Variants in SPMIP2 observed in about 807,000 individuals in gnomAD.
The protein encoded by SPMIP2 is protein SPMIP2.
chr4:158,901,913 C>T, the SPMIP2 span, among the ~76,000 whole-genome samples: 1 of 151,958 alleles, frequency 6.6e-6, no homozygotes, highest in African/African-American at 2.4e-5. Context: ...TTCTTAGCTT[C>T]CTTGCATTGG....
At chr4:159,042,954 G>A in the SPMIP2 span, among the ~76,000 whole-genome samples, 26,731 of 151,906 alleles carry the variant, frequency 0.18, 2,751 homozygotes, top group African/African-American at 0.28. Context: ...GTCATCTACC[G>A]CGCCTAGCCT....
At chr4:159,053,930 A>G in the SPMIP2 span, among the ~76,000 whole-genome samples, 20 of 151,936 alleles carry the variant, frequency 1.3e-4, no homozygotes, top group Admixed American at 9.8e-4. Context: ...AAAAAAAAAA[A>G]AGAGAGAAAG....
chr4:158,939,399 T>TA, the SPMIP2 span, among the ~76,000 whole-genome samples: 1 of 152,194 alleles, frequency 6.6e-6, no homozygotes. Flanking sequence ...CTATCCTACT[T>TA]ACTAATCTCC....
At chr4:158,955,312 T>G in the SPMIP2 span, among the ~76,000 whole-genome samples, 2 of 152,346 alleles carry the variant, frequency 1.3e-5, no homozygotes, top group South Asian at 4.1e-4. Context: ...TTTTAGATTC[T>G]GAGCGCTTAG....
At chr4:159,001,817 G>C in the SPMIP2 span, among the ~76,000 whole-genome samples, 1 of 152,280 alleles carries the variant, frequency 6.6e-6, no homozygotes, top group East Asian at 1.9e-4. Context: ...TTGTGTGCAC[G>C]TGTCTTTATG....
the SPMIP2 span, among the ~76,000 whole-genome samples, chr4:158,945,041 G>T: frequency 6.6e-6 from 1 of 152,008 alleles, no homozygotes; most frequent in Non-Finnish European, 1.5e-5. Flanking sequence ...ACTTGCCCCT[G>T]ACTATGTCAC....
At chr4:159,075,107 G>A in the SPMIP2 span, among the ~76,000 whole-genome samples, 13 of 152,168 alleles carry the variant, frequency 8.5e-5, no homozygotes, top group African/African-American at 3.1e-4. Flanking sequence ...CTGCCTAGAA[G>A]CAAGCAAACA....
At chr4:158,957,164 C>T in the SPMIP2 span, among the ~76,000 whole-genome samples, 1 of 152,122 alleles carries the variant, frequency 6.6e-6, no homozygotes, top group South Asian at 2.1e-4. Flanking sequence ...TTCCAACATT[C>T]CAGAATGATC....
chr4:158,920,540 C>T, the SPMIP2 span, among the ~76,000 whole-genome samples: 6 of 152,218 alleles, frequency 3.9e-5, no homozygotes, highest in East Asian at 1.9e-4. Context: ...CTGTCTTATG[C>T]GGTTGAGATA....
chr4:159,021,841 AG>A, the SPMIP2 span, among the ~76,000 whole-genome samples: 1 of 152,192 alleles, frequency 6.6e-6, no homozygotes, highest in African/African-American at 2.4e-5. Flanking sequence ...CATATCTCCA[AG>A]GGTGTGCATA....
chr4:159,076,994 C>T, the SPMIP2 span, among the ~76,000 whole-genome samples: 3 of 152,216 alleles, frequency 2.0e-5, no homozygotes, highest in Admixed American at 6.5e-5. Flanking sequence ...TGCCACCATG[C>T]CTGGGTAATT....
At chr4:158,917,249 CA>C in the SPMIP2 span, among the ~76,000 whole-genome samples, 2 of 149,502 alleles carry the variant, frequency 1.3e-5, no homozygotes, top group African/African-American at 2.5e-5. Context: ...GACTCCATCT[CA>C]AAAAAATAAT....
the SPMIP2 span, among the ~76,000 whole-genome samples, chr4:159,078,987 G>A: frequency 6.6e-6 from 1 of 152,188 alleles, no homozygotes; most frequent in South Asian, 2.1e-4. Flanking sequence ...GTGTGGTGGT[G>A]CAAGCCTGTA....
the SPMIP2 span, among the ~76,000 whole-genome samples, chr4:159,075,415 AT>A: frequency 3.3e-5 from 5 of 152,146 alleles, no homozygotes; most frequent in African/African-American, 7.2e-5. Context: ...TTCCTTTAAC[AT>A]TTTTTTCTAA....
chr4:158,958,662 G>A, the SPMIP2 span, among the ~76,000 whole-genome samples: 1 of 152,196 alleles, frequency 6.6e-6, no homozygotes, highest in Non-Finnish European at 1.5e-5. Context: ...CCTTTGCCCA[G>A]GAAAAAGATG....
chr4:158,911,205 G>A, the SPMIP2 span, among the ~76,000 whole-genome samples: 26 of 152,178 alleles, frequency 1.7e-4, no homozygotes, highest in East Asian at 1.2e-3. Flanking sequence ...GGCCCAGCGC[G>A]GTGGCTCATT....
the SPMIP2 span, among the ~76,000 whole-genome samples, chr4:158,950,461 A>G: frequency 6.6e-6 from 1 of 152,198 alleles, no homozygotes; most frequent in Non-Finnish European, 1.5e-5. Context: ...TTTATACACA[A>G]TTCAGCAAAT....
At chr4:159,076,689 A>G in the SPMIP2 span, among the ~76,000 whole-genome samples, 11 of 151,988 alleles carry the variant, frequency 7.2e-5, no homozygotes, top group Non-Finnish European at 1.5e-4. Flanking sequence ...TTCTTTAGAG[A>G]TAGAGTCTTG....
chr4:159,049,180 G>A, the SPMIP2 span, among the ~76,000 whole-genome samples: 16 of 152,158 alleles, frequency 1.1e-4, no homozygotes, highest in African/African-American at 3.9e-4. Flanking sequence ...CATTTCAGTG[G>A]ATTCTATCTT....
Sources: allele counts gnomAD v4.1 joint callset (sites outside exome capture counted in the v4.1 genomes callset), GRCh38; gene constraint gnomAD v4.1.1; transcripts MANE v1.5; gene names NCBI Gene and HGNC (gene_info 2026-07-23, HGNC 2026-07-21).